NIM1K: variants seen among roughly 807,000 people sequenced by gnomAD.
The protein encoded by NIM1K is serine/threonine-protein kinase NIM1.
Under a neutral mutation model 37.1 loss-of-function variants are expected in NIM1K, and 35 were observed. The ratio of observed to expected loss-of-function variants is 0.94; its 90% CI spans 0.72 to 1.25. The LOEUF (loss-of-function observed/expected upper bound fraction) is 1.25. Ranked by LOEUF, NIM1K falls within the 50% of genes most tolerant of loss-of-function variation. The pLI is 0.00. For missense variants in NIM1K, 564 were observed against 548.0 expected (o/e 1.03, Z -0.29); for synonymous variants, 234 against 206.6 (o/e 1.13, Z -1.14).
chr5:43,248,169 G>A (rs1465787318), intron 2 of NIM1K, among the ~76,000 whole-genome samples: 2 of 152,136 alleles, frequency 1.3e-5, no homozygotes, highest in Admixed American at 1.3e-4. Flanking sequence ...GGACAGAGGA[G>A]GGTTAGGGGG....
At chr5:43,254,538 C>T (rs967207346) in intron 2 of NIM1K, among the ~76,000 whole-genome samples, 3 of 152,054 alleles carry the variant, frequency 2.0e-5, no homozygotes, top group South Asian at 2.1e-4. Flanking sequence ...AATAAACACT[C>T]GACAAATATT....
intron 2 of NIM1K, 65 bp downstream of exon 2, chr5:43,246,132 G>C: frequency 6.9e-7 from 1 of 1,448,906 alleles, no homozygotes; most frequent in Non-Finnish European, 9.4e-7. Flanking sequence ...AAAGGGGTTA[G>C]GTGGCCAGGG....
intron 1 of NIM1K, among the ~76,000 whole-genome samples, chr5:43,196,473 A>G (rs1751916162): frequency 1.4e-5 from 1 of 71,006 alleles, no homozygotes; most frequent in Non-Finnish European, 3.0e-5. Flanking sequence ...CTAAATATAC[A>G]AAAAAAAAAA....
At chr5:43,234,174 TG>T (rs1266634251) in intron 1 of NIM1K, among the ~76,000 whole-genome samples, 3 of 152,188 alleles carry the variant, frequency 2.0e-5, no homozygotes, top group African/African-American at 7.2e-5. Context: ...GTTTTGGTTT[TG>T]GTTTTTGTAT....
chr5:43,258,973 T>C (rs2112281061), intron 2 of NIM1K, among the ~76,000 whole-genome samples: 1 of 139,334 alleles, frequency 7.2e-6, no homozygotes, highest in Admixed American at 7.2e-5. Context: ...TTCATACCCA[T>C]AGCTAAACTC....
chr5:43,213,330 C>A (rs1196827997), intron 1 of NIM1K, among the ~76,000 whole-genome samples: 3 of 92,538 alleles, frequency 3.2e-5, no homozygotes, highest in African/African-American at 1.2e-4. Flanking sequence ...CTTTTCTTTT[C>A]TTTTCTTTTC....
chr5:43,201,445 C>T (rs897725223), intron 1 of NIM1K, among the ~76,000 whole-genome samples: 14 of 151,550 alleles, frequency 9.2e-5, no homozygotes, highest in Admixed American at 6.6e-4. Flanking sequence ...GTTGATATGC[C>T]AGGGACTTTT....
At chr5:43,209,124 G>T (rs774743672) in intron 1 of NIM1K, among the ~76,000 whole-genome samples, 4 of 152,212 alleles carry the variant, frequency 2.6e-5, no homozygotes, top group Non-Finnish European at 5.9e-5. Context: ...GGAAAATGGA[G>T]CCTCTTTTAC....
intron 2 of NIM1K, among the ~76,000 whole-genome samples, chr5:43,262,073 A>C (rs1165446013): frequency 6.6e-6 from 1 of 152,020 alleles, no homozygotes; most frequent in Non-Finnish European, 1.5e-5. Flanking sequence ...TTTGGCTTAC[A>C]ATTTTCTTGG....
intron 2 of NIM1K, among the ~76,000 whole-genome samples, chr5:43,270,774 A>G (rs145414162): frequency 1.6e-3 from 251 of 152,318 alleles, no homozygotes; most frequent in African/African-American, 5.8e-3. Context: ...AGTGAACTCA[A>G]CAACCTGGGA....
chr5:43,207,401 G>C, intron 1 of NIM1K: 1 of 860,048 alleles, frequency 1.2e-6, no homozygotes, highest in Non-Finnish European at 2.0e-6. Context: ...AACGTGTGGC[G>C]ATGTCTTAGA....
intron 1 of NIM1K, among the ~76,000 whole-genome samples, chr5:43,195,744 T>A (rs1360303978): frequency 1.3e-5 from 2 of 151,232 alleles, no homozygotes; most frequent in East Asian, 1.9e-4. Flanking sequence ...ATGAGCATTA[T>A]GAATATGAGC....
intron 1 of NIM1K, among the ~76,000 whole-genome samples, chr5:43,198,234 TTTCTTTCTTTC>T (rs1751961885): frequency 7.8e-6 from 1 of 128,022 alleles, no homozygotes; most frequent in African/African-American, 2.9e-5. Context: ...TCTTTCTTTC[TTTCTTTCTTTC>T]TTTTCTTTCT....
chr5:43,234,274 A>ATTC (rs1752585562), intron 1 of NIM1K, among the ~76,000 whole-genome samples: 1 of 150,744 alleles, frequency 6.6e-6, no homozygotes, highest in Non-Finnish European at 1.5e-5. Context: ...TCATTCATTC[A>ATTC]ATGCATGCAT....
chr5:43,222,495 G>A (rs921912543), intron 1 of NIM1K, among the ~76,000 whole-genome samples: 3 of 152,034 alleles, frequency 2.0e-5, no homozygotes, highest in African/African-American at 4.8e-5. Context: ...TTGGGAGGCC[G>A]CAGTGGGAGG....
chr5:43,194,903 T>TA (rs1449306964), intron 1 of NIM1K: 1 of 152,142 alleles, frequency 6.6e-6, no homozygotes, highest in Non-Finnish European at 1.5e-5. Flanking sequence ...CATACATTTT[T>TA]AAAAAAACAA....
rs1384109470 is a variant in NIM1K, at chr5:43,256,233, T to C, written c.292+10166T>C. Reference sequence around the variant, plus strand: ...GACGCAGAAGGCAAAAAAAGAGAGATCAGTTAGGAGCCTGTTGTATTAATC... The same window carrying C: ...GACGCAGAAGGCAAAAAAAGAGAGACCAGTTAGGAGCCTGTTGTATTAATC... On this transcript the variant is annotated intron_variant, in intron 2 of 3. Coordinates refer to ENST00000326035, the MANE Select transcript of NIM1K (RefSeq NM_153361.4). Among the ~76,000 whole-genome samples the C allele has an allele frequency of 3.3e-5, 5 of 151,648 alleles. 1 individual carries two copies. The Admixed American group carries it at 3.3e-4, about 10-fold the overall frequency.
chr5:43,235,801 C>G (rs1448535910), intron 1 of NIM1K, among the ~76,000 whole-genome samples: 1 of 151,696 alleles, frequency 6.6e-6, no homozygotes, highest in African/African-American at 2.4e-5. Context: ...TGCAGCAGTT[C>G]CAGATGTATT....
At chr5:43,276,941 C>T (rs560923774) in intron 2 of NIM1K, 116 bp from the exon 3 acceptor site, 1 of 1,018,892 alleles carries the variant, frequency 9.8e-7, no homozygotes, top group South Asian at 1.5e-5. Context: ...TGAGCTCTCT[C>T]AGCTTGGGAA....
Sources: allele counts gnomAD v4.1 joint callset (sites outside exome capture counted in the v4.1 genomes callset), GRCh38; gene constraint gnomAD v4.1.1; transcripts MANE v1.5; gene names NCBI Gene and HGNC (gene_info 2026-07-23, HGNC 2026-07-21).